The following RPS6KA2 variants were observed in gnomAD, a reference collection of about 807,000 sequenced individuals.
The protein encoded by RPS6KA2 is ribosomal protein S6 kinase A2, also known as ribosomal protein S6 kinase alpha-2.
RPS6KA2 carries 42 observed loss-of-function variants against 91.8 expected under a neutral mutation model. That is an observed-to-expected ratio of 0.46 (90% CI 0.36 to 0.59). The LOEUF (loss-of-function observed/expected upper bound fraction) is 0.59. RPS6KA2 is among the 20% of genes least tolerant of loss of function. The pLI, the probability that RPS6KA2 is intolerant of heterozygous loss-of-function variation, is 0.00. For synonymous variants in RPS6KA2, 414 were observed against 393.6 expected (o/e 1.05, Z -0.61); for missense variants, 798 against 978.5 (o/e 0.82, Z 2.46).
intron 1 of RPS6KA2, among the ~76,000 whole-genome samples, chr6:166,577,306 TC>T (rs372212196): frequency 2.2e-4 from 34 of 152,252 alleles, no homozygotes; most frequent in Middle Eastern, 3.4e-3. Flanking sequence ...AAGGCCACCA[TC>T]CTCCAGACCC....
rs73788155 is a variant in RPS6KA2 at position 166,822,061 on chromosome 6, C to T, written c.123+36139G>A. Among the ~76,000 whole-genome samples, 1,422 of 152,312 alleles carry T rather than the reference C, an allele frequency of 9.3e-3. 12 individuals carry two copies. Among genetic ancestry groups the T allele is most frequent in the African/African-American group, 0.032 (1,344 of 41,562 alleles). On this transcript the variant is annotated intron_variant, in intron 2 of 21. Transcript: ENST00000503859. ...ACCATGGACGCTGCTCGCGCCACCACCATCCCTCCTGGAGCTGGCCTCCTG... is the reference window on the plus strand; with the variant it reads ...ACCATGGACGCTGCTCGCGCCACCATCATCCCTCCTGGAGCTGGCCTCCTG...
At chr6:166,523,912 C>T (rs1265367198) in intron 3 of RPS6KA2, among the ~76,000 whole-genome samples, 6 of 152,288 alleles carry the variant, frequency 3.9e-5, no homozygotes, top group Non-Finnish European at 5.9e-5. Flanking sequence ...CCTGTCTATG[C>T]GGGTCACTAC....
intron 14 of RPS6KA2, chr6:166,440,105 C>T (rs1779472197): frequency 6.6e-6 from 1 of 152,198 alleles, no homozygotes; most frequent in Non-Finnish European, 1.5e-5. Context: ...AGCTGGAAGA[C>T]AATAAGCTCA....
At chr6:166,791,443 T>A (rs1228705745) in intron 2 of RPS6KA2, among the ~76,000 whole-genome samples, 11 of 152,208 alleles carry the variant, frequency 7.2e-5, no homozygotes, top group African/African-American at 2.7e-4. Flanking sequence ...ACTGTTAACA[T>A]TAGACAAGTC....
intron 2 of RPS6KA2, among the ~76,000 whole-genome samples, chr6:166,765,013 G>T (rs919339497): frequency 6.6e-6 from 1 of 152,214 alleles, no homozygotes; most frequent in South Asian, 2.1e-4. Context: ...GGCCAATGGG[G>T]TGACCCCGCC....
chr6:166,648,127 C>T lies in RPS6KA2; in HGVS notation c.124-109343G>A, dbSNP rs1787713612. ...ACACACGTGCACACACACGCTCATA[C>T]ACATACATGCACACACGCACATGGT... On this transcript the variant is annotated intron_variant, in intron 2 of 21. Transcript: ENST00000503859. This position sits in a 1 kb window ranked among gnomAD's most constrained non-coding sequence, Gnocchi z 4.8. Among the ~76,000 whole-genome samples, 1 of 150,938 alleles carries T rather than the reference C, an allele frequency of 6.6e-6. No individual in the cohort carries two copies. The highest frequency in any genetic ancestry group is 2.4e-5 in the African/African-American group (1 of 41,010).
At chr6:166,613,247 G>A (rs1190064606) in intron 1 of RPS6KA2, among the ~76,000 whole-genome samples, 1 of 152,224 alleles carries the variant, frequency 6.6e-6, no homozygotes, top group Non-Finnish European at 1.5e-5. Flanking sequence ...CTGCTGATTT[G>A]TAGCTCAGCC....
chr6:166,693,120 T>C (rs1789256840), intron 2 of RPS6KA2, among the ~76,000 whole-genome samples: 1 of 152,154 alleles, frequency 6.6e-6, no homozygotes, highest in African/African-American at 2.4e-5. Context: ...TTCCGTTGGG[T>C]GGCAAGTTTA....
At chr6:166,769,081 G>C (rs1417833710) in intron 2 of RPS6KA2, among the ~76,000 whole-genome samples, 2 of 152,154 alleles carry the variant, frequency 1.3e-5, no homozygotes, top group Non-Finnish European at 2.9e-5. Flanking sequence ...CTCTCCAAGG[G>C]CACCCACACC....
At chr6:166,594,332 T>C (rs924431938) in intron 1 of RPS6KA2, among the ~76,000 whole-genome samples, 1 of 152,228 alleles carries the variant, frequency 6.6e-6, no homozygotes, top group Non-Finnish European at 1.5e-5. Context: ...TAATTTGAGT[T>C]TTTAAAAATT....
chr6:166,617,237 C>A (rs932193518), intron 1 of RPS6KA2, among the ~76,000 whole-genome samples: 2 of 152,230 alleles, frequency 1.3e-5, no homozygotes, highest in Non-Finnish European at 2.9e-5. Flanking sequence ...AAACAAACAT[C>A]CTTATTGACT....
chr6:166,722,740 A>G (rs1271992723), intron 2 of RPS6KA2, among the ~76,000 whole-genome samples: 1 of 152,250 alleles, frequency 6.6e-6, no homozygotes, highest in Non-Finnish European at 1.5e-5. Flanking sequence ...GTGCTTCTCC[A>G]CGTGAAGCAA....
rs1788177901 is a variant in RPS6KA2 at position 166,662,089 on chromosome 6, G to C, written c.124-123305C>G. The stretch of plus-strand genomic sequence containing the variant: ...GGACAGTATTAAGTGAGTAAAGATA[G>C]GGGTTGTTTATCATATTATGAATAT... On this transcript the variant is annotated intron_variant, in intron 2 of 21. Transcript: ENST00000503859. The surrounding 1 kb of genome is among the most constrained non-coding windows in gnomAD (Gnocchi z 4.3). Among the ~76,000 whole-genome samples the C allele has an allele frequency of 6.6e-6, 1 of 152,204 alleles. No individual in the cohort carries two copies. The highest frequency in any genetic ancestry group is 1.5e-5 in the Non-Finnish European group (1 of 68,030).
chr6:166,441,317 A>C (rs1779511676), intron 14 of RPS6KA2, among the ~76,000 whole-genome samples: 1 of 152,176 alleles, frequency 6.6e-6, no homozygotes, highest in Admixed American at 6.5e-5. Flanking sequence ...GAGATGGTTC[A>C]TGTTGCTCCT....
intron 15 of RPS6KA2, among the ~76,000 whole-genome samples, chr6:166,431,341 G>A (rs1779125244): frequency 1.3e-5 from 2 of 152,196 alleles, no homozygotes; most frequent in African/African-American, 4.8e-5. Context: ...CCAATCTTGG[G>A]GATCTTGCTA....
At chr6:166,510,208 T>G in intron 4 of RPS6KA2, 69 bp downstream of exon 4, 1 of 975,616 alleles carries the variant, frequency 1.0e-6, no homozygotes, top group South Asian at 1.4e-5. Context: ...TTATTTCTTT[T>G]TCAATTTTCT....
rs1402777793 is a variant in RPS6KA2, at chr6:166,733,132, C to A, written c.123+125068G>T. Among the ~76,000 whole-genome samples the A allele has an allele frequency of 6.6e-6, 1 of 152,176 alleles. No individual in the cohort carries two copies. Among genetic ancestry groups the A allele is most frequent in the Non-Finnish European group, 1.5e-5 (1 of 68,036 alleles). On this transcript the variant is annotated intron_variant, in intron 2 of 21. Transcript: ENST00000503859. The surrounding 1 kb of genome is among the most constrained non-coding windows in gnomAD (Gnocchi z 4.1). ...ACCCTGTACTCAGGGCCATGCCAAA[C>A]CATTGCACATCATTTTGAGCCTTCA...
chr6:166,755,033 G>A (rs368436848), intron 2 of RPS6KA2, among the ~76,000 whole-genome samples: 44 of 152,188 alleles, frequency 2.9e-4, no homozygotes, highest in Admixed American at 6.5e-4. Flanking sequence ...GCCCCTCCTC[G>A]TAACCTGGAA....
At chr6:166,858,124 T>G in intron 2 of RPS6KA2, 2 of 876,644 alleles carry the variant, frequency 2.3e-6, no homozygotes, top group Non-Finnish European at 3.9e-6. Flanking sequence ...ATTTCAAACT[T>G]CCATTTCCCC....
Sources: allele counts gnomAD v4.1 joint callset (sites outside exome capture counted in the v4.1 genomes callset), GRCh38; gene constraint gnomAD v4.1.1; non-coding constraint Gnocchi (gnomAD v3.1); transcripts MANE v1.5; gene names NCBI Gene and HGNC (gene_info 2026-07-23, HGNC 2026-07-21).